Variants in ZBTB43 observed in about 807,000 individuals in gnomAD.
ZBTB43 encodes zinc finger and BTB domain containing 43.
Under a neutral mutation model 31.1 loss-of-function variants are expected in ZBTB43, and 6 were observed. The observed-to-expected ratio is 0.19, with a 90% CI of 0.11 to 0.38. The LOEUF is 0.38. Among genes scored for constraint, ZBTB43 ranks in the 10% least tolerant of loss-of-function variants. The probability of loss-of-function intolerance (pLI) is 1.00; values close to 1 mark genes in which losing one functional copy is unlikely to be tolerated. For missense variants in ZBTB43, 379 were observed against 602.1 expected (o/e 0.63, Z 3.88); for synonymous variants, 212 against 221.7 (o/e 0.96, Z 0.39).
chr9:126,834,997 G>A lies in ZBTB43; in HGVS notation c.*1084G>A, dbSNP rs902055903. The A allele has an allele frequency of 6.0e-6, 1 of 167,028 alleles. No individual in the cohort carries two copies. The highest frequency in any genetic ancestry group is 1.5e-5 in the Non-Finnish European group (1 of 68,138). The allele number at this position is 167,028 out of a possible 1,614,324, so 10.3% of individuals were successfully genotyped here. Reference sequence around the variant, plus strand: ...GGATTCTATGAGTGGTTATACTTAAGGGGGACAAAACTGCCCAAGAAGAAT... The same window carrying A: ...GGATTCTATGAGTGGTTATACTTAAAGGGGACAAAACTGCCCAAGAAGAAT... On this transcript the variant is annotated 3_prime_UTR_variant, in exon 3 of 3. Transcript: ENST00000373464.
Position 126,832,584 on chromosome 9 carries a change from G to C in ZBTB43, c.75G>C (p.Gln25His). 1 of 1,614,084 alleles carries C rather than the reference G, an allele frequency of 6.2e-7. No homozygotes were observed. The highest frequency in any genetic ancestry group is 8.5e-7 in the Non-Finnish European group (1 of 1,179,976). Residue 25 changes from glutamine (Q) to histidine (H), a missense_variant, in exon 3 of 3, where the codon CAG (glutamine) becomes CAC (histidine). Gln to His is a conservative substitution (Grantham distance 24). This residue lies in a region of ZBTB43 where 79 missense variants were observed against 134.4 expected (regional missense o/e 0.59). Transcript: ENST00000373464. ...GCACCATTCTACAGAAACTGAACCA[G>C]CAGCGCCAGCAAGGACAATTATGTG... ...FSSTILQKLNQQRQQGQLCDV... is the reference protein window; with the variant it reads ...FSSTILQKLNHQRQQGQLCDV...
intron 2 of ZBTB43, among the ~76,000 whole-genome samples, chr9:126,825,937 C>T (rs967482277): frequency 2.0e-5 from 3 of 150,682 alleles, no homozygotes; most frequent in East Asian, 1.9e-4. Flanking sequence ...CCTCCTGCCT[C>T]CCGGGCTCAA....
chr9:126,809,531 T>C (rs1464585280), intron 2 of ZBTB43, among the ~76,000 whole-genome samples: 1 of 152,214 alleles, frequency 6.6e-6, no homozygotes, highest in African/African-American at 2.4e-5. Flanking sequence ...GCTTCCCTAT[T>C]ATATTGCTGT....
At chr9:126,826,677 G>T (rs753009577) in intron 2 of ZBTB43, among the ~76,000 whole-genome samples, 2 of 150,394 alleles carry the variant, frequency 1.3e-5, no homozygotes, top group Non-Finnish European at 3.0e-5. Context: ...TGTTAGCCAG[G>T]AGGGTCTCGA....
intron 2 of ZBTB43, among the ~76,000 whole-genome samples, chr9:126,822,182 T>A (rs939792339): frequency 3.4e-5 from 5 of 149,172 alleles, no homozygotes; most frequent in Admixed American, 6.6e-5. Context: ...TTTTTTTTTT[T>A]AAAGCTCATC....
In ZBTB43 at chr9:126,834,792, C is replaced by T. The variant is rs983669073; in HGVS notation, c.*879C>T. ...AAGCTGCTGTGACTGACCACGGTAC[C>T]ACGGGCTGCCACAGCCCCTGCTCTG... On this transcript the variant is annotated 3_prime_UTR_variant, in exon 3 of 3. Transcript: ENST00000373464. 23 of 167,042 alleles carry T rather than the reference C, an allele frequency of 1.4e-4. No homozygotes were observed. Among genetic ancestry groups the T allele is most frequent in the African/African-American group, 4.8e-4 (20 of 41,436 alleles). The allele number at this position is 167,042 out of a possible 1,614,324, so 10.3% of individuals were successfully genotyped here.
chr9:126,828,814 C>A (rs1036287766), intron 2 of ZBTB43, among the ~76,000 whole-genome samples: 1 of 151,716 alleles, frequency 6.6e-6, no homozygotes, highest in Non-Finnish European at 1.5e-5. Flanking sequence ...ATTATCACAA[C>A]GTAGGATAAA....
chr9:126,827,652 A>G lies in ZBTB43; in HGVS notation c.-23-4835A>G, dbSNP rs1453496955. ...AGCTTCTGACTCCACCATTTTCCAT[A>G]ACCTCCCTTGTGGCATTTATTTTTT... On this transcript the variant is annotated intron_variant, in intron 2 of 2. Coordinates refer to ENST00000373464, the MANE Select transcript of ZBTB43 (RefSeq NM_014007.4). Among the ~76,000 whole-genome samples, 3 of 152,170 alleles carry G rather than the reference A, an allele frequency of 2.0e-5. No individual in the cohort carries two copies. In the East Asian group the frequency reaches 5.8e-4, roughly 29 times the overall value.
chr9:126,815,893 T>A (rs2032375598), intron 2 of ZBTB43, among the ~76,000 whole-genome samples: 1 of 152,118 alleles, frequency 6.6e-6, no homozygotes, highest in Non-Finnish European at 1.5e-5. Flanking sequence ...AGTTTTACCT[T>A]GTTCGGTGCT....
chr9:126,832,596 A>G lies in ZBTB43; in HGVS notation c.87A>G (p.Gln29=), dbSNP rs771054181. 4.6e-5 allele frequency: 74 copies of G among 1,614,086 alleles called. No individual in the cohort carries two copies. Among genetic ancestry groups the G allele is most frequent in the Non-Finnish European group, 6.2e-5 (73 of 1,180,030 alleles). ...AGAAACTGAACCAGCAGCGCCAGCA[A>G]GGACAATTATGTGACGTCTCCATTG... ...ILQKLNQQRQ[Q]GQLCDVSIVV... Residue 29 remains glutamine, a synonymous_variant, in exon 3 of 3, where the codon CAA becomes CAG. Coordinates refer to ENST00000373464, the MANE Select transcript of ZBTB43 (RefSeq NM_014007.4).
chr9:126,818,805 G>A (rs1169613739), intron 2 of ZBTB43, among the ~76,000 whole-genome samples: 1 of 152,124 alleles, frequency 6.6e-6, no homozygotes, highest in Non-Finnish European at 1.5e-5. Context: ...TTCATAAGGG[G>A]TATTGGTCTA....
rs1350028724 is a variant in ZBTB43 at position 126,833,333 on chromosome 9, C to T, written c.824C>T (p.Thr275Ile). ...CACCAGGTCACAGAGTCCATCAACA[C>T]CGTGCAGACAGAGCACACGGTGCAG... Reference protein sequence around the residue: ...DEHQVTESINTVQTEHTVQPS... With the variant: ...DEHQVTESINIVQTEHTVQPS... Residue 275 changes from threonine to isoleucine, a missense_variant, in exon 3 of 3, where the codon ACC (threonine) becomes ATC (isoleucine). Transcript: ENST00000373464. This position sits in a 1 kb window ranked among gnomAD's most constrained non-coding sequence, Gnocchi z 7.9. 1.9e-6 allele frequency: 3 copies of T among 1,613,022 alleles called. No individual in the cohort carries two copies. Among genetic ancestry groups the T allele is most frequent in the East Asian group, 4.5e-5 (2 of 44,838 alleles).
intron 2 of ZBTB43, among the ~76,000 whole-genome samples, chr9:126,828,645 A>ATTATTATT (rs1564206207): frequency 0.015 from 1,933 of 131,350 alleles, 40 homozygotes; most frequent in African/African-American, 0.062. Context: ...TAATAATAAT[A>ATTATTATT]ATAATAATAA....
chr9:126,821,547 G>A (rs2032509099), intron 2 of ZBTB43, among the ~76,000 whole-genome samples: 1 of 152,194 alleles, frequency 6.6e-6, no homozygotes. Context: ...TTAAGTGGAG[G>A]AATTAATTGG....
At chr9:126,820,958 C>A (rs1407320658) in intron 2 of ZBTB43, among the ~76,000 whole-genome samples, 2 of 135,070 alleles carry the variant, frequency 1.5e-5, no homozygotes, top group Non-Finnish European at 3.2e-5. Context: ...CAAAGTGAGA[C>A]CCCCATCTCA....
At chr9:126,814,376 A>AT (rs2032326551) in intron 2 of ZBTB43, among the ~76,000 whole-genome samples, 2 of 150,352 alleles carry the variant, frequency 1.3e-5, no homozygotes, top group African/African-American at 2.4e-5. Flanking sequence ...TACAAAGTAA[A>AT]TTTACATTGA....
chr9:126,809,069 A>G (rs113211640), intron 2 of ZBTB43, among the ~76,000 whole-genome samples, 154 bp downstream of exon 2: 2,115 of 152,336 alleles, frequency 0.014, 54 homozygotes, highest in African/African-American at 0.048. Flanking sequence ...TACACCTTCT[A>G]AGGCCCATCA....
intron 2 of ZBTB43, among the ~76,000 whole-genome samples, chr9:126,817,699 A>C (rs934967175): frequency 6.7e-6 from 1 of 148,852 alleles, no homozygotes; most frequent in African/African-American, 2.5e-5. Flanking sequence ...GATGGTCTCG[A>C]TCTCCTGATC....
chr9:126,828,648 A>G (rs865986390), intron 2 of ZBTB43, among the ~76,000 whole-genome samples: 16 of 133,754 alleles, frequency 1.2e-4, no homozygotes, highest in African/African-American at 4.5e-4. Flanking sequence ...TAATAATAAT[A>G]ATAATAATTA....
Sources: allele counts gnomAD v4.1 joint callset (sites outside exome capture counted in the v4.1 genomes callset), GRCh38; gene constraint gnomAD v4.1.1; regional missense constraint gnomAD v4.1.1; non-coding constraint Gnocchi (gnomAD v3.1); transcripts MANE v1.5; gene names NCBI Gene and HGNC (gene_info 2026-07-23, HGNC 2026-07-21).